Variants in NUGGC observed in about 807,000 individuals in gnomAD.
The protein encoded by NUGGC is nuclear GTPase SLIP-GC.
Under a neutral mutation model 92.6 loss-of-function variants are expected in NUGGC, and 58 were observed. That is an observed-to-expected ratio of 0.63 (90% CI 0.51 to 0.78). The LOEUF is 0.78. Ranked by LOEUF, NUGGC falls within the 30% of genes least tolerant of loss-of-function variation. NUGGC has a pLI of 0.00. For missense variants in NUGGC, 925 were observed against 964.6 expected (o/e 0.96, Z 0.54); for synonymous variants, 376 against 366.4 (o/e 1.03, Z -0.30).
chr8:28,061,910 G>C (rs1426090624), intron 7 of NUGGC, among the ~76,000 whole-genome samples: 1 of 152,166 alleles, frequency 6.6e-6, no homozygotes, highest in Non-Finnish European at 1.5e-5. Context: ...TCAAGAGTTT[G>C]AGAAACCCTG....
At chr8:28,077,568 G>GA (rs367649699) in intron 1 of NUGGC, among the ~76,000 whole-genome samples, 36 of 144,274 alleles carry the variant, frequency 2.5e-4, no homozygotes, top group South Asian at 6.6e-4. Context: ...CTGTCTCAAA[G>GA]AAAAAAAAAA....
intron 2 of NUGGC, among the ~76,000 whole-genome samples, chr8:28,071,960 A>T (rs1043672679): frequency 8.5e-5 from 13 of 152,200 alleles, no homozygotes; most frequent in Non-Finnish European, 2.9e-5. Flanking sequence ...CAAGAACGGC[A>T]GCCCACACAG....
At chr8:28,024,251 G>A (rs762012339) in intron 18 of NUGGC, among the ~76,000 whole-genome samples, 1 of 147,742 alleles carries the variant, frequency 6.8e-6, no homozygotes, top group African/African-American at 2.5e-5. Context: ...CACCACGTTG[G>A]CCAGGCTGGT....
At chr8:28,051,786 G>C (rs543709763) in intron 10 of NUGGC, among the ~76,000 whole-genome samples, 1 of 152,270 alleles carries the variant, frequency 6.6e-6, no homozygotes. Context: ...GCTGGGCCTG[G>C]TGGCCCATGC....
At position 28,067,607 on chromosome 8, in the gene NUGGC, A is replaced by T. The variant is rs1810470865; in HGVS notation, c.618T>A (p.Asn206Lys). ...ATWKLQMIYG[N>K]GAESKNYEEL... ...CCTCATAGTTCTTACTCTCTGCCCCATTTCCATAAATCATTTGTAGCTTCC... is the reference window on the plus strand; with the variant it reads ...CCTCATAGTTCTTACTCTCTGCCCCTTTTCCATAAATCATTTGTAGCTTCC... The change falls in exon 6 of 19, where the codon AAT becomes AAA. Residue 206 changes from asparagine (N) to lysine (K), a missense_variant. By Grantham distance (94) the Asn-to-Lys change is moderately conservative (BLOSUM62 0). Transcript: ENST00000413272. 1 of 1,613,884 alleles carries T rather than the reference A, an allele frequency of 6.2e-7. No individual in the cohort carries two copies. Among genetic ancestry groups the T allele is most frequent in the Non-Finnish European group, 8.5e-7 (1 of 1,179,858 alleles).
chr8:28,058,179 G>A (rs767869718), intron 9 of NUGGC, 79 bp downstream of exon 9: 21 of 240,612 alleles, frequency 8.7e-5, no homozygotes, highest in Non-Finnish European at 1.6e-4. Flanking sequence ...GTGACAGAGC[G>A]AGACTCTGTC....
At chr8:28,075,179 A>C (rs1313978607) in intron 1 of NUGGC, among the ~76,000 whole-genome samples, 2 of 152,104 alleles carry the variant, frequency 1.3e-5, no homozygotes, top group Admixed American at 6.5e-5. Context: ...AGTTCCCTGG[A>C]GTTGCTTTGG....
At chr8:28,051,376 T>C (rs1809997452) in intron 10 of NUGGC, among the ~76,000 whole-genome samples, 1 of 152,174 alleles carries the variant, frequency 6.6e-6, no homozygotes, top group South Asian at 2.1e-4. Flanking sequence ...TATGAGCTCA[T>C]TATGATCCTA....
chr8:28,046,980 T>G (rs1231365981), intron 11 of NUGGC, among the ~76,000 whole-genome samples: 1 of 151,452 alleles, frequency 6.6e-6, no homozygotes. Context: ...TTTTTGTTGT[T>G]GTGTTTTGAG....
At chr8:28,073,165 C>A (rs1256585254) in intron 2 of NUGGC, among the ~76,000 whole-genome samples, 3 of 133,928 alleles carry the variant, frequency 2.2e-5, no homozygotes, top group Non-Finnish European at 1.5e-5. Flanking sequence ...CCACGCCTGG[C>A]TAATTTTTTT....
intron 9 of NUGGC, among the ~76,000 whole-genome samples, chr8:28,058,001 G>C (rs1310523565): frequency 6.6e-6 from 1 of 152,110 alleles, no homozygotes; most frequent in Non-Finnish European, 1.5e-5. Flanking sequence ...AAACCAGCCT[G>C]GCCAACGTGG....
At chr8:28,072,092 A>T (rs1810604974) in intron 2 of NUGGC, among the ~76,000 whole-genome samples, 1 of 152,178 alleles carries the variant, frequency 6.6e-6, no homozygotes, top group Non-Finnish European at 1.5e-5. Context: ...ACCCCGTAGA[A>T]TATTCTAGTG....
chr8:28,025,327 C>T (rs1383453227), intron 18 of NUGGC, among the ~76,000 whole-genome samples: 2 of 152,130 alleles, frequency 1.3e-5, no homozygotes, highest in African/African-American at 4.8e-5. Context: ...TATTTGCTGT[C>T]GATGGTGAAG....
intron 18 of NUGGC, among the ~76,000 whole-genome samples, chr8:28,023,727 A>C (rs1809178160): frequency 6.6e-6 from 1 of 152,156 alleles, no homozygotes; most frequent in Non-Finnish European, 1.5e-5. Flanking sequence ...CAGGTGTGTG[A>C]TATACAAAGC....
intron 1 of NUGGC, among the ~76,000 whole-genome samples, chr8:28,078,821 C>A (rs1585608506): frequency 6.6e-6 from 1 of 152,080 alleles, no homozygotes; most frequent in African/African-American, 2.4e-5. Flanking sequence ...AGTCTATTTC[C>A]CCCCAAAGGG....
chr8:28,075,019 A>C (rs1484468295), intron 1 of NUGGC, among the ~76,000 whole-genome samples: 1 of 152,160 alleles, frequency 6.6e-6, no homozygotes, highest in Non-Finnish European at 1.5e-5. Context: ...GCCTCTGGTG[A>C]CCAGAGCTGT....
At chr8:28,044,779 G>A (rs758166642) in intron 12 of NUGGC, among the ~76,000 whole-genome samples, 8 of 152,116 alleles carry the variant, frequency 5.3e-5, no homozygotes, top group Non-Finnish European at 7.4e-5. Flanking sequence ...TGCAGGTTGT[G>A]GTCAGAGATC....
At chr8:28,055,268 T>A (rs1810104002) in intron 10 of NUGGC, among the ~76,000 whole-genome samples, 1 of 151,856 alleles carries the variant, frequency 6.6e-6, no homozygotes, top group African/African-American at 2.4e-5. Flanking sequence ...ATAATAATAA[T>A]AAAATAAAAT....
At chr8:28,024,412 C>T (rs1263783503) in intron 18 of NUGGC, among the ~76,000 whole-genome samples, 1 of 152,032 alleles carries the variant, frequency 6.6e-6, no homozygotes, top group African/African-American at 2.4e-5. Context: ...CCTCTGGACT[C>T]GAACTGCCTC....
Sources: gnomAD v4.1 joint callset for allele counts (sites outside exome capture counted in the v4.1 genomes callset) on GRCh38, gnomAD v4.1.1 for gene constraint, MANE v1.5 for transcripts, NCBI Gene and HGNC (gene_info 2026-07-23, HGNC 2026-07-21) for gene names.